SPAG9: variants seen among roughly 807,000 people sequenced by gnomAD.
SPAG9 encodes sperm associated antigen 9, also known as C-Jun-amino-terminal kinase-interacting protein 4.
In SPAG9, 35 loss-of-function variants were observed where a neutral mutation model predicts 166.5. The ratio of observed to expected loss-of-function variants is 0.21; its 90% CI spans 0.16 to 0.28. The LOEUF is 0.28. SPAG9 is among the 10% of genes least tolerant of loss of function. SPAG9 has a pLI of 1.00. For synonymous variants in SPAG9, 534 were observed against 565.5 expected (o/e 0.94, Z 0.79); for missense variants, 1,235 against 1,603.3 (o/e 0.77, Z 3.92).
chr17:51,120,793 G>T lies in SPAG9; in HGVS notation c.-137C>A. The T allele has an allele frequency of 1.6e-6, 1 of 623,470 alleles. No homozygotes were observed. Among genetic ancestry groups the T allele is most frequent in the South Asian group, 3.3e-5 (1 of 30,050 alleles). The allele number at this position is 623,470 out of a possible 1,614,324, so 38.6% of individuals were successfully genotyped here. A position where few individuals can be genotyped will look rare whatever the true frequency, so the allele number is the denominator to read the frequency against. ...GGCCGGGGCTGGGGCTGGGCCCGGC[G>T]GGGTGGGGGCCGGGGCCGGAGGAGG... On this transcript the variant is annotated 5_prime_UTR_variant, in exon 1 of 30. Coordinates refer to ENST00000262013, the MANE Select transcript of SPAG9 (RefSeq NM_001130528.3). The surrounding 1 kb of genome is among the most constrained non-coding windows in gnomAD (Gnocchi z 4.7).
At chr17:51,067,846 C>T (rs1457647656) in intron 2 of SPAG9, among the ~76,000 whole-genome samples, 2 of 152,212 alleles carry the variant, frequency 1.3e-5, no homozygotes, top group Non-Finnish European at 1.5e-5. Context: ...TTTGAGCGCT[C>T]TTTCTATCCG....
chr17:51,040,603 C>G (rs2046800672), intron 5 of SPAG9, among the ~76,000 whole-genome samples: 1 of 152,122 alleles, frequency 6.6e-6, no homozygotes, highest in Non-Finnish European at 1.5e-5. Flanking sequence ...TTTCCAAGTG[C>G]TGGGGGATAC....
In SPAG9 at chr17:51,020,896, C is replaced by T. The variant is rs529232999; in HGVS notation, c.991+262G>A. Reference sequence around the variant, plus strand: ...TATAATACCTAATACAATGTAAATGCTATGTAAATAATTGTCATACTGTAC... The same window carrying T: ...TATAATACCTAATACAATGTAAATGTTATGTAAATAATTGTCATACTGTAC... On this transcript the variant is annotated intron_variant, in intron 7 of 29. Coordinates refer to ENST00000262013, the MANE Select transcript of SPAG9 (RefSeq NM_001130528.3). Among the ~76,000 whole-genome samples the T allele has an allele frequency of 2.1e-4, 32 of 152,144 alleles. No individual in the cohort carries two copies. In the South Asian group the frequency reaches 6.4e-3, roughly 31 times the overall value.
In SPAG9 at chr17:50,993,816, T is replaced by C; in HGVS notation, c.2346A>G (p.Leu782=). 6.2e-7 allele frequency: 1 copy of C among 1,614,142 alleles called. No individual in the cohort carries two copies. Among genetic ancestry groups the C allele is most frequent in the East Asian group, 2.2e-5 (1 of 44,878 alleles). ...IIDAVQPGNI[L]DSFTVCNSHV... Reference sequence around the variant, plus strand: ...GAGAGTTGCAAACAGTGAAACTGTCTAGGATGTTGCCAGGTTGAACAGCAT... The same window carrying C: ...GAGAGTTGCAAACAGTGAAACTGTCCAGGATGTTGCCAGGTTGAACAGCAT... The change falls in exon 19 of 30, where the codon CTA becomes CTG. Residue 782 remains leucine (L), a synonymous_variant. Coordinates refer to ENST00000262013, the MANE Select transcript of SPAG9 (RefSeq NM_001130528.3).
chr17:51,095,945 T>TTA (rs200548048), intron 1 of SPAG9, among the ~76,000 whole-genome samples: 30,453 of 108,620 alleles, frequency 0.28, 5,821 homozygotes, highest in African/African-American at 0.51. Context: ...AGTGATATAG[T>TTA]TATATATATA....
intron 16 of SPAG9, 40 bp downstream of exon 16, chr17:50,996,522 CTCT>C: frequency 1.2e-6 from 2 of 1,612,306 alleles, no homozygotes; most frequent in Non-Finnish European, 1.7e-6. Context: ...TCAACTTGCC[CTCT>C]TCTTTCCTGC....
intron 21 of SPAG9, among the ~76,000 whole-genome samples, chr17:50,988,207 T>C (rs1235381760): frequency 6.6e-6 from 1 of 151,792 alleles, no homozygotes; most frequent in Non-Finnish European, 1.5e-5. Flanking sequence ...CAGGGTGAGA[T>C]TCCATCTCCA....
intron 3 of SPAG9, among the ~76,000 whole-genome samples, chr17:51,049,240 G>A (rs2047114175): frequency 6.6e-6 from 1 of 151,812 alleles, no homozygotes; most frequent in African/African-American, 2.4e-5. Context: ...GCAGGCACTC[G>A]CCTATAGTCC....
At chr17:51,072,173 G>C (rs767245737) in intron 2 of SPAG9, among the ~76,000 whole-genome samples, 3 of 151,884 alleles carry the variant, frequency 2.0e-5, no homozygotes. Flanking sequence ...CCAGGTTAAA[G>C]CAATTCTCCT....
chr17:51,003,427 C>T lies in SPAG9; in HGVS notation c.1477-1582G>A, dbSNP rs76906621. Reference sequence around the variant, plus strand: ...CTCAGAAAATAGTTATAAGTTAGTTCCATTTATCTCAAATTACCAAACCAC... The same window carrying T: ...CTCAGAAAATAGTTATAAGTTAGTTTCATTTATCTCAAATTACCAAACCAC... On this transcript the variant is annotated intron_variant, in intron 12 of 29. Transcript: ENST00000262013. Among the ~76,000 whole-genome samples the T allele has an allele frequency of 2.6e-3, 394 of 152,198 alleles. 1 individual carries two copies. Among genetic ancestry groups the T allele is most frequent in the African/African-American group, 9.0e-3 (375 of 41,520 alleles).
intron 3 of SPAG9, among the ~76,000 whole-genome samples, chr17:51,054,116 C>CTTTTTTTTTTTT (rs1157639358): frequency 1.4e-5 from 1 of 73,948 alleles, no homozygotes. Context: ...AATGTGAGGG[C>CTTTTTTTTTTTT]TTTTTTTTTT....
intron 1 of SPAG9, among the ~76,000 whole-genome samples, chr17:51,110,549 C>T (rs754306604): frequency 2.0e-5 from 3 of 151,916 alleles, no homozygotes; most frequent in Admixed American, 6.6e-5. Flanking sequence ...ATTAGCTGGG[C>T]GTGGTGGTGT....
chr17:50,979,747 T>TA lies in SPAG9; in HGVS notation c.3407dup (p.Leu1136PhefsTer21). The stretch of plus-strand genomic sequence containing the variant: ...AGATAAAACGCGTTGGAAGCTTACC[T>TA]AACATTTTGCTTACATAAGGCTCAA... On this transcript the variant is annotated frameshift_variant and splice_region_variant, in exon 26 of 30. Transcript: ENST00000262013. LOFTEE classifies it high-confidence loss of function. 1 of 1,605,954 alleles carries TA rather than the reference T, an allele frequency of 6.2e-7. No individual in the cohort carries two copies. Among genetic ancestry groups the TA allele is most frequent in the Non-Finnish European group, 8.5e-7 (1 of 1,172,954 alleles).
At position 51,047,410 on chromosome 17, in the gene SPAG9, A is replaced by G. The variant is rs1047979398; in HGVS notation, c.555T>C (p.Ser185=). The G allele has an allele frequency of 1.3e-6, 2 of 1,593,246 alleles. No individual in the cohort carries two copies. The highest frequency in any genetic ancestry group is 1.7e-6 in the Non-Finnish European group (2 of 1,168,328). ...ERTKLHQLSG[S]DQLESTAHSR... ...TATGAGCTGTGGATTCTAGTTGATC[A>G]CTCCCTGAGAGCTGATGAAGTTTTG... The change falls in exon 4 of 30, where the codon AGT becomes AGC. Residue 185 remains serine, a synonymous_variant. Transcript: ENST00000262013.
rs1376459120 is a variant in SPAG9 at position 50,963,221 on chromosome 17, T to C, written c.*3051A>G. The C allele has an allele frequency of 2.0e-5, 3 of 152,240 alleles. No homozygotes were observed. Among genetic ancestry groups the C allele is most frequent in the African/African-American group, 4.8e-5 (2 of 41,472 alleles). The allele number at this position is 152,240 out of a possible 1,614,324, so 9.4% of individuals were successfully genotyped here. On this transcript the variant is annotated 3_prime_UTR_variant, in exon 30 of 30. Coordinates refer to ENST00000262013, the MANE Select transcript of SPAG9 (RefSeq NM_001130528.3). ...TCTTCCAATAGGGGTACACTTTTTT[T>C]GTACAGTGAGATCAACCCAAAGTAC... is the stretch of plus-strand genomic sequence containing the variant.
chr17:51,033,942 T>C (rs1244923059), intron 5 of SPAG9, among the ~76,000 whole-genome samples: 1 of 152,262 alleles, frequency 6.6e-6, no homozygotes, highest in Non-Finnish European at 1.5e-5. Flanking sequence ...CACCGCCATT[T>C]TGAAAGTGCT....
chr17:51,099,835 C>T (rs2048758615), intron 1 of SPAG9, among the ~76,000 whole-genome samples: 1 of 149,416 alleles, frequency 6.7e-6, no homozygotes, highest in Admixed American at 6.7e-5. Context: ...CGCAGTGGCT[C>T]ACGCCTGTAA....
At chr17:51,060,853 T>G (rs1047567297) in intron 2 of SPAG9, among the ~76,000 whole-genome samples, 1 of 151,358 alleles carries the variant, frequency 6.6e-6, no homozygotes, top group Admixed American at 6.6e-5. Context: ...TTTTGTTTTT[T>G]TTTTTTTTCC....
In SPAG9 at chr17:50,963,607, A is replaced by G. The variant is rs963748994; in HGVS notation, c.*2665T>C. 1 of 152,200 alleles carries G rather than the reference A, an allele frequency of 6.6e-6. No homozygotes were observed. The highest frequency in any genetic ancestry group is 1.5e-5 in the Non-Finnish European group (1 of 68,036). 9.4% of individuals were successfully genotyped at this position (152,200 alleles called of 1,614,324 possible). ...CAGTAAGTTCAAAAAAAGCAATTAC[A>G]ACCATTTGACATGTTTGTATTTTTC... On this transcript the variant is annotated 3_prime_UTR_variant, in exon 30 of 30. Transcript: ENST00000262013.
Sources: gnomAD v4.1 joint callset for allele counts (sites outside exome capture counted in the v4.1 genomes callset) on GRCh38, gnomAD v4.1.1 for gene constraint, Gnocchi (gnomAD v3.1) non-coding constraint, MANE v1.5 for transcripts, NCBI Gene and HGNC (gene_info 2026-07-23, HGNC 2026-07-21) for gene names.